The following DACH1 variants were observed in gnomAD, a reference collection of about 807,000 sequenced individuals.
The protein encoded by DACH1 is dachshund family transcription factor 1, also known as dachshund homolog 1.
DACH1 carries 12 observed loss-of-function variants against 54.2 expected under a neutral mutation model. The ratio of observed to expected loss-of-function variants is 0.22; its 90% confidence interval spans 0.14 to 0.36. The LOEUF (loss-of-function observed/expected upper bound fraction) is 0.36, where lower values mean the gene tolerates loss of function less well. Among genes scored for constraint, DACH1 ranks in the 10% least tolerant of loss-of-function variants. The pLI, the probability that DACH1 is intolerant of heterozygous loss-of-function variation, is 1.00. For missense variants in DACH1, 805 were observed against 929.8 expected, an observed-to-expected ratio of 0.87 and a Z score of 1.75; for synonymous variants, 386 against 366.2, an observed-to-expected ratio of 1.05 and a Z score of -0.62.
chr13:71,804,855 T>C, intron 1 of DACH1, among the ~76,000 whole-genome samples: 1 of 152,174 alleles, frequency 6.6e-6, no homozygotes, highest in Non-Finnish European at 1.5e-5. Flanking sequence ...TATTATTAAT[T>C]ATTTACCTAC....
chr13:71,505,047 C>T (rs571036792), intron 6 of DACH1, among the ~76,000 whole-genome samples: 10 of 152,194 alleles, frequency 6.6e-5, no homozygotes, highest in African/African-American at 2.4e-4. Flanking sequence ...AATTTAGAAA[C>T]ACATATATTT....
At chr13:71,635,794 CT>C (rs1044028645) in intron 2 of DACH1, among the ~76,000 whole-genome samples, 3 of 151,780 alleles carry the variant, frequency 2.0e-5, no homozygotes, top group African/African-American at 7.3e-5. Flanking sequence ...CTTTTCTTTT[CT>C]TTTTTGAGAG....
chr13:71,645,977 T>C (rs1172474296), intron 2 of DACH1, among the ~76,000 whole-genome samples: 1 of 152,202 alleles, frequency 6.6e-6, no homozygotes, highest in Non-Finnish European at 1.5e-5. Context: ...TGAAAAGTCC[T>C]TCAAGAAATT....
intron 1 of DACH1, among the ~76,000 whole-genome samples, chr13:71,754,814 G>C (rs1885075306): frequency 6.6e-6 from 1 of 151,596 alleles, no homozygotes; most frequent in Admixed American, 6.6e-5. Flanking sequence ...GTGATTCACT[G>C]CATTGCAGGA....
intron 10 of DACH1, among the ~76,000 whole-genome samples, chr13:71,452,800 C>T (rs1415683799): frequency 6.6e-6 from 1 of 152,156 alleles, no homozygotes; most frequent in Non-Finnish European, 1.5e-5. Flanking sequence ...ATGAAGTCTG[C>T]TTAACTATTA....
intron 1 of DACH1, among the ~76,000 whole-genome samples, chr13:71,770,179 T>G (rs530247788): frequency 6.6e-6 from 1 of 151,832 alleles, no homozygotes; most frequent in East Asian, 1.9e-4. Flanking sequence ...TTGGCAGATA[T>G]GCACTTTCAT....
intron 3 of DACH1, among the ~76,000 whole-genome samples, chr13:71,578,930 T>G (rs1040882014): frequency 6.6e-6 from 1 of 152,118 alleles, no homozygotes; most frequent in African/African-American, 2.4e-5. Flanking sequence ...ATTTTTTTCT[T>G]GAGAGAAAAA....
At chr13:71,668,971 C>T (rs902405552) in intron 2 of DACH1, among the ~76,000 whole-genome samples, 12 of 151,910 alleles carry the variant, frequency 7.9e-5, no homozygotes, top group Admixed American at 7.9e-4. Context: ...TAACCTGATG[C>T]CATAAATATG....
intron 10 of DACH1, among the ~76,000 whole-genome samples, chr13:71,444,508 T>A (rs1049519819): frequency 6.6e-6 from 1 of 152,118 alleles, no homozygotes; most frequent in African/African-American, 2.4e-5. Context: ...CCTAAGTCCT[T>A]CATAAACTTT....
At chr13:71,447,549 T>C (rs1170411800) in intron 10 of DACH1, among the ~76,000 whole-genome samples, 2 of 152,142 alleles carry the variant, frequency 1.3e-5, no homozygotes, top group Non-Finnish European at 2.9e-5. Context: ...ATGCCAATCA[T>C]ATGGCCGGGC....
chr13:71,471,218 C>T (rs529067568), intron 10 of DACH1, among the ~76,000 whole-genome samples: 38 of 152,048 alleles, frequency 2.5e-4, no homozygotes, highest in Admixed American at 2.2e-3. Flanking sequence ...GGAAATGTCA[C>T]GCTCCACTCT....
chr13:71,624,619 A>C (rs1876508736), intron 3 of DACH1, among the ~76,000 whole-genome samples: 1 of 151,940 alleles, frequency 6.6e-6, no homozygotes. Context: ...CAAACAAACA[A>C]ACAAAAAAAC....
chr13:71,567,416 T>C (rs1392931653), intron 4 of DACH1, among the ~76,000 whole-genome samples: 4 of 151,922 alleles, frequency 2.6e-5, no homozygotes, highest in Admixed American at 2.6e-4. Flanking sequence ...GCGTATAAAA[T>C]TTTTATTAGG....
intron 4 of DACH1, among the ~76,000 whole-genome samples, chr13:71,567,053 C>T (rs1884933030): frequency 6.6e-6 from 1 of 152,002 alleles, no homozygotes; most frequent in Admixed American, 6.6e-5. Context: ...ATTTTAAGAA[C>T]TTGCTTTAAA....
At chr13:71,557,596 T>G (rs1361927602) in intron 5 of DACH1, among the ~76,000 whole-genome samples, 1 of 152,102 alleles carries the variant, frequency 6.6e-6, no homozygotes, top group Non-Finnish European at 1.5e-5. Flanking sequence ...GCACTCACTA[T>G]CTACAAAGGT....
rs548464919 is a variant in DACH1, at chr13:71,697,695, A to G, written c.849-15785T>C. On this transcript the variant is annotated intron_variant, in intron 1 of 10. Transcript: ENST00000613252. ...ATTATATTATTTAGTCCAGGGTTCT[A>G]GATTATCAAAAATAAACCACCTTTA... 2.1e-4 allele frequency among the ~76,000 whole-genome samples: 32 copies of G among 152,330 alleles called. No homozygotes were observed. In the South Asian group the frequency reaches 6.4e-3, roughly 31 times the overall value.
intron 1 of DACH1, among the ~76,000 whole-genome samples, chr13:71,713,993 T>C (rs1191907655): frequency 6.6e-6 from 1 of 152,052 alleles, no homozygotes; most frequent in Non-Finnish European, 1.5e-5. Flanking sequence ...AGTTATTCTA[T>C]CATTACTTGA....
intron 1 of DACH1, among the ~76,000 whole-genome samples, chr13:71,725,185 G>T (rs537991783): frequency 3.8e-4 from 58 of 152,034 alleles, no homozygotes; most frequent in Non-Finnish European, 6.5e-4. Flanking sequence ...AAAGCAATAT[G>T]AATGTTAGCG....
intron 1 of DACH1, among the ~76,000 whole-genome samples, chr13:71,777,708 T>G (rs988367270): frequency 1.3e-5 from 2 of 152,144 alleles, no homozygotes; most frequent in Non-Finnish European, 2.9e-5. Flanking sequence ...GGATTTCTAC[T>G]GGACAACAAA....
Sources: allele counts gnomAD v4.1 joint callset (sites outside exome capture counted in the v4.1 genomes callset), GRCh38; gene constraint gnomAD v4.1.1; transcripts MANE v1.5; gene names NCBI Gene and HGNC (gene_info 2026-07-23, HGNC 2026-07-21).